JAKMIP1: variants seen among roughly 807,000 people sequenced by gnomAD.
JAKMIP1 encodes janus kinase and microtubule-interacting protein 1.
Under a neutral mutation model 113.0 loss-of-function variants are expected in JAKMIP1, and 33 were observed. The ratio of observed to expected loss-of-function variants is 0.29; its 90% CI spans 0.22 to 0.39. The LOEUF is 0.39. JAKMIP1 is among the 10% of genes least tolerant of loss of function. JAKMIP1 has a pLI of 1.00. For synonymous variants in JAKMIP1, 480 were observed against 459.9 expected, an observed-to-expected ratio of 1.04 and a Z score of -0.56; for missense variants, 813 against 1,080.5, an observed-to-expected ratio of 0.75 and a Z score of 3.47.
chr4:6,174,805 C>T (rs986993979), intron 1 of JAKMIP1, among the ~76,000 whole-genome samples: 11 of 151,820 alleles, frequency 7.2e-5, no homozygotes, highest in African/African-American at 2.7e-4. Flanking sequence ...CAGGTGACCC[C>T]GTCGTGTCAA....
Position 6,139,077 on chromosome 4 carries a change from CACACACAT to C in JAKMIP1, c.-147-26088_-147-26081del, listed in dbSNP as rs537085041. Among the ~76,000 whole-genome samples, 2,641 of 139,976 alleles carry C rather than the reference CACACACAT, an allele frequency of 0.019. 34 individuals carry two copies. The highest frequency in any genetic ancestry group is 0.028 in the Non-Finnish European group (1,914 of 67,376). 91.8% of individuals were successfully genotyped at this position (139,976 alleles called of 152,430 possible). A position where few individuals can be genotyped will look rare whatever the true frequency, so the allele number is the denominator to read the frequency against. On this transcript the variant is annotated intron_variant, in intron 1 of 20. Coordinates refer to ENST00000409021, the MANE Select transcript of JAKMIP1 (RefSeq NM_001099433.2). This position sits in a 1 kb window ranked among gnomAD's most constrained non-coding sequence, Gnocchi z 5.2. ...AGAAACACACACACACACACACACA[CACACACAT>C]ATACACACACACACACACACCAGCA...
Position 6,181,695 on chromosome 4 carries a change from C to G in JAKMIP1, c.-148+18558G>C, listed in dbSNP as rs1012080801. Among the ~76,000 whole-genome samples the G allele has an allele frequency of 6.6e-6, 1 of 152,172 alleles. No homozygotes were observed. The highest frequency in any genetic ancestry group is 2.4e-5 in the African/African-American group (1 of 41,438). On this transcript the variant is annotated intron_variant, in intron 1 of 20. Transcript: ENST00000409021. The surrounding 1 kb of genome is among the most constrained non-coding windows in gnomAD (Gnocchi z 5.4). ...CATCAGAGAGGGAGAGCAGCAGCAA[C>G]GCAAGCTCCATTCATTCATTCATTC...
Position 6,158,326 on chromosome 4 carries a change from G to A in JAKMIP1, c.-148+41927C>T, listed in dbSNP as rs1722503172. Among the ~76,000 whole-genome samples, 2 of 152,204 alleles carry A rather than the reference G, an allele frequency of 1.3e-5. No individual in the cohort carries two copies. The highest frequency in any genetic ancestry group is 2.9e-5 in the Non-Finnish European group (2 of 68,030). On this transcript the variant is annotated intron_variant, in intron 1 of 20. Transcript: ENST00000409021. The surrounding 1 kb of genome is among the most constrained non-coding windows in gnomAD (Gnocchi z 5.3). ...AACATCATAGGGATGGTAGTGGGATGGGGTGGTGTCTGCCTCCCAGTCTGT... is the reference window on the plus strand; with the variant it reads ...AACATCATAGGGATGGTAGTGGGATAGGGTGGTGTCTGCCTCCCAGTCTGT...
At chr4:6,126,095 AACAC>A (rs1266191173) in intron 1 of JAKMIP1, among the ~76,000 whole-genome samples, 56 of 144,166 alleles carry the variant, frequency 3.9e-4, no homozygotes, top group African/African-American at 1.2e-3. Context: ...ACCATACAGA[AACAC>A]ACACACACAA....
chr4:6,197,278 C>T lies in JAKMIP1; in HGVS notation c.-148+2975G>A, dbSNP rs1727957692. ...GCCTGGTCCCTCATACCTCTCAGCCCACCACAATGGTGGCCACTGCTCTGA... is the reference window on the plus strand; with the variant it reads ...GCCTGGTCCCTCATACCTCTCAGCCTACCACAATGGTGGCCACTGCTCTGA... On this transcript the variant is annotated intron_variant, in intron 1 of 20. Coordinates refer to ENST00000409021, the MANE Select transcript of JAKMIP1 (RefSeq NM_001099433.2). This position sits in a 1 kb window ranked among gnomAD's most constrained non-coding sequence, Gnocchi z 6.5. Among the ~76,000 whole-genome samples, 1 of 152,166 alleles carries T rather than the reference C, an allele frequency of 6.6e-6. No homozygotes were observed. Among genetic ancestry groups the T allele is most frequent in the Admixed American group, 6.5e-5 (1 of 15,280 alleles).
Position 6,139,971 on chromosome 4 carries a change from G to A in JAKMIP1, c.-147-26974C>T, listed in dbSNP as rs1719871543. ...AGAGTCCCCTCGCAGCCTCAGATGG[G>A]GTCAACCCTGCCCACGCCTGGATCT... is the stretch of plus-strand genomic sequence containing the variant. On this transcript the variant is annotated intron_variant, in intron 1 of 20. Coordinates refer to ENST00000409021, the MANE Select transcript of JAKMIP1 (RefSeq NM_001099433.2). The surrounding 1 kb of genome is among the most constrained non-coding windows in gnomAD (Gnocchi z 5.2). Among the ~76,000 whole-genome samples the A allele has an allele frequency of 6.6e-6, 1 of 151,974 alleles. No homozygotes were observed. Among genetic ancestry groups the A allele is most frequent in the South Asian group, 2.1e-4 (1 of 4,814 alleles).
At chr4:6,090,851 A>G (rs1467149) in intron 3 of JAKMIP1, among the ~76,000 whole-genome samples, 146,625 of 150,378 alleles carry the variant, frequency 0.98, 71,576 homozygotes, top group East Asian at 1. Context: ...GTCCCATGTT[A>G]ACCATGATGC....
rs976847224 is a variant in JAKMIP1 at position 6,097,142 on chromosome 4, C to G, written c.624+8331G>C. 1.3e-5 allele frequency among the ~76,000 whole-genome samples: 2 copies of G among 152,174 alleles called. No individual in the cohort carries two copies. The highest frequency in any genetic ancestry group is 4.8e-5 in the African/African-American group (2 of 41,424). On this transcript the variant is annotated intron_variant, in intron 3 of 20. Coordinates refer to ENST00000409021, the MANE Select transcript of JAKMIP1 (RefSeq NM_001099433.2). This position sits in a 1 kb window ranked among gnomAD's most constrained non-coding sequence, Gnocchi z 4.3. ...TGGGCCTCCTGAGTAGCTGGGACTA[C>G]AGGGGTATGCCACCATGTCCGGCTA...
At position 6,141,922 on chromosome 4, in the gene JAKMIP1, A is replaced by C. The variant is rs1560264641; in HGVS notation, c.-147-28925T>G. Among the ~76,000 whole-genome samples the C allele has an allele frequency of 6.6e-6, 1 of 152,196 alleles. No homozygotes were observed. The highest frequency in any genetic ancestry group is 1.5e-5 in the Non-Finnish European group (1 of 68,028). ...TAACCGTCTCTCTCTCATTTTAAAA[A>C]TCAAGTTTACTCCAATAAAGAAACT... On this transcript the variant is annotated intron_variant, in intron 1 of 20. Coordinates refer to ENST00000409021, the MANE Select transcript of JAKMIP1 (RefSeq NM_001099433.2). This position sits in a 1 kb window ranked among gnomAD's most constrained non-coding sequence, Gnocchi z 9.4.
rs1291386306 is a variant in JAKMIP1 at position 6,139,085 on chromosome 4, T to TAC, written c.-147-26089_-147-26088insGT. Among the ~76,000 whole-genome samples, 27 of 27,998 alleles carry TAC rather than the reference T, an allele frequency of 9.6e-4. No individual in the cohort carries two copies. Among genetic ancestry groups the TAC allele is most frequent in the Admixed American group, 2.4e-3 (5 of 2,098 alleles). The allele number at this position is 27,998 out of a possible 152,430, so 18.4% of individuals were successfully genotyped here. Reference sequence around the variant, plus strand: ...ACACACACACACACACACACACACATATACACACACACACACACACCAGCA... The same window carrying TAC: ...ACACACACACACACACACACACACATACATACACACACACACACACACCAGCA... On this transcript the variant is annotated intron_variant, in intron 1 of 20. Coordinates refer to ENST00000409021, the MANE Select transcript of JAKMIP1 (RefSeq NM_001099433.2). The surrounding 1 kb of genome is among the most constrained non-coding windows in gnomAD (Gnocchi z 5.2).
intron 13 of JAKMIP1, among the ~76,000 whole-genome samples, chr4:6,053,059 G>T (rs1260217951): frequency 2.0e-5 from 3 of 152,244 alleles, no homozygotes; most frequent in African/African-American, 7.2e-5. Flanking sequence ...TTTCACGCAT[G>T]CAAAGGTTTC....
rs1719277601 is a variant in JAKMIP1 at position 6,136,548 on chromosome 4, C to G, written c.-147-23551G>C. On this transcript the variant is annotated intron_variant, in intron 1 of 20. Transcript: ENST00000409021. The surrounding 1 kb of genome is among the most constrained non-coding windows in gnomAD (Gnocchi z 5.9). ...TTTTGTATCTGAGACAATTTGGGCA[C>G]TGAGCGACTAAGTTCCTGTCCACGG... Among the ~76,000 whole-genome samples the G allele has an allele frequency of 6.6e-6, 1 of 152,142 alleles. No homozygotes were observed. The highest frequency in any genetic ancestry group is 2.4e-5 in the African/African-American group (1 of 41,440).
Position 6,197,443 on chromosome 4 carries a change from G to C in JAKMIP1, c.-148+2810C>G, listed in dbSNP as rs1578535332. On this transcript the variant is annotated intron_variant, in intron 1 of 20. Transcript: ENST00000409021. The surrounding 1 kb of genome is among the most constrained non-coding windows in gnomAD (Gnocchi z 6.5). ...CATAAATCGGCTACCTTTGCTCAGAGACCACACCTCTGATCCCCACACCAA... is the reference window on the plus strand; with the variant it reads ...CATAAATCGGCTACCTTTGCTCAGACACCACACCTCTGATCCCCACACCAA... 6.6e-6 allele frequency among the ~76,000 whole-genome samples: 1 copy of C among 152,130 alleles called. No homozygotes were observed. Among genetic ancestry groups the C allele is most frequent in the South Asian group, 2.1e-4 (1 of 4,820 alleles).
At chr4:6,182,423 A>AAAAAAAG (rs1553864360) in intron 1 of JAKMIP1, among the ~76,000 whole-genome samples, 6 of 140,244 alleles carry the variant, frequency 4.3e-5, no homozygotes, top group East Asian at 2.1e-4. Context: ...AAAAAAAAAA[A>AAAAAAAG]AAAGAAAGAA....
rs10213041 is a variant in JAKMIP1, at chr4:6,185,100, A to G, written c.-148+15153T>C. Among the ~76,000 whole-genome samples the G allele has an allele frequency of 0.53, 80,940 of 152,022 alleles. 21,852 individuals are homozygous for G. The highest frequency in any genetic ancestry group is 0.61 in the African/African-American group (25,287 of 41,452). On this transcript the variant is annotated intron_variant, in intron 1 of 20. Transcript: ENST00000409021. The surrounding 1 kb of genome is among the most constrained non-coding windows in gnomAD (Gnocchi z 5.3). ...GCCACTGACTGAAGGCTGCACTGTC[A>G]GCTTCCTTACTTTTGAGGTTTTGGG...
chr4:6,060,168 T>C (rs1717059458), intron 11 of JAKMIP1, among the ~76,000 whole-genome samples: 1 of 152,248 alleles, frequency 6.6e-6, no homozygotes, highest in Non-Finnish European at 1.5e-5. Flanking sequence ...TACCTCTTTT[T>C]TGTGCATTTG....
chr4:6,028,352 C>T (rs575720058), intron 20 of JAKMIP1, among the ~76,000 whole-genome samples: 3 of 152,352 alleles, frequency 2.0e-5, no homozygotes, highest in African/African-American at 7.2e-5. Context: ...GGCAGGCAAG[C>T]CCTGCCCCCG....
intron 3 of JAKMIP1, among the ~76,000 whole-genome samples, chr4:6,092,699 G>T (rs576713647): frequency 5.1e-4 from 78 of 152,338 alleles, no homozygotes; most frequent in African/African-American, 1.8e-3. Context: ...GGAAGGCAGA[G>T]AATAGAAAAC....
intron 1 of JAKMIP1, among the ~76,000 whole-genome samples, chr4:6,173,846 C>T (rs1237498916): frequency 6.6e-6 from 1 of 152,092 alleles, no homozygotes; most frequent in East Asian, 1.9e-4. Flanking sequence ...GAGGCCAAGG[C>T]GGGCGGATCG....
Sources: allele counts gnomAD v4.1 joint callset (sites outside exome capture counted in the v4.1 genomes callset), GRCh38; gene constraint gnomAD v4.1.1; non-coding constraint Gnocchi (gnomAD v3.1); transcripts MANE v1.5; gene names NCBI Gene and HGNC (gene_info 2026-07-23, HGNC 2026-07-21).